Variants in LIPK observed in about 807,000 individuals in gnomAD.
The protein encoded by LIPK is lipase family member K.
In LIPK, 32 loss-of-function variants were observed where a neutral mutation model predicts 48.6. That is an observed-to-expected ratio of 0.66 (90% confidence interval 0.50 to 0.88). LIPK has a LOEUF of 0.88. LIPK is among the 40% of genes least tolerant of loss of function. The probability of loss-of-function intolerance (pLI) is 0.00; values close to 1 mark genes in which losing one functional copy is unlikely to be tolerated. For missense variants in LIPK, 507 were observed against 478.5 expected, an observed-to-expected ratio of 1.06 and a Z score of -0.56; for synonymous variants, 164 against 157.4, an observed-to-expected ratio of 1.04 and a Z score of -0.32.
intron 1 of LIPK, among the ~76,000 whole-genome samples, chr10:88,717,536 T>A (rs1208719068): frequency 6.6e-6 from 1 of 152,164 alleles, no homozygotes; most frequent in African/African-American, 2.4e-5. Context: ...ACACTATAGG[T>A]CTTCTGTTTT....
At chr10:88,750,062 A>G (rs1842838639) in intron 9 of LIPK, among the ~76,000 whole-genome samples, 1 of 152,204 alleles carries the variant, frequency 6.6e-6, no homozygotes, top group Non-Finnish European at 1.5e-5. Context: ...AAAATGGTCA[A>G]TATCAATAAT....
At chr10:88,739,435 C>A (rs1221726276) in intron 7 of LIPK, among the ~76,000 whole-genome samples, 1 of 152,164 alleles carries the variant, frequency 6.6e-6, no homozygotes, top group Admixed American at 6.5e-5. Flanking sequence ...CCGTGGGATG[C>A]CCTCTGTAGG....
intron 8 of LIPK, among the ~76,000 whole-genome samples, chr10:88,740,616 T>G (rs1338775795): frequency 6.6e-6 from 1 of 152,014 alleles, no homozygotes; most frequent in Non-Finnish European, 1.5e-5. Flanking sequence ...TTTCTGAGCC[T>G]TGTGTGTGTG....
At chr10:88,737,515 T>C in intron 6 of LIPK, 120 bp from the exon 7 acceptor site, 2 of 969,206 alleles carry the variant, frequency 2.1e-6, no homozygotes, top group South Asian at 1.9e-5. Context: ...ATGATTTCAC[T>C]AAGGACCAAC....
intron 6 of LIPK, among the ~76,000 whole-genome samples, chr10:88,735,575 G>T (rs1842555859): frequency 6.6e-6 from 1 of 152,228 alleles, no homozygotes; most frequent in Admixed American, 6.5e-5. Flanking sequence ...GAACAAGGGT[G>T]ACCAGCTCAG....
rs554187515 is a variant in LIPK, at chr10:88,745,476, T to G, written c.960+2155T>G. Among the ~76,000 whole-genome samples the G allele has an allele frequency of 2.7e-4, 41 of 152,296 alleles. 1 individual carries two copies. Among genetic ancestry groups the G allele is most frequent in the Non-Finnish European group, 4.7e-4 (32 of 68,012 alleles). On this transcript the variant is annotated intron_variant, in intron 9 of 9. Transcript: ENST00000404190. ...AGCCAGAAGAGATTACGGGCTTGTA[T>G]TCAACATCCTTAAAGAAAAGAAATT...
chr10:88,739,140 G>A (rs1842630933), intron 7 of LIPK, among the ~76,000 whole-genome samples: 1 of 151,510 alleles, frequency 6.6e-6, no homozygotes, highest in Non-Finnish European at 1.5e-5. Flanking sequence ...TGTGTTTGTG[G>A]TTGTTTATCC....
intron 1 of LIPK, among the ~76,000 whole-genome samples, chr10:88,722,656 C>G (rs936688024): frequency 1.3e-5 from 2 of 152,060 alleles, no homozygotes; most frequent in African/African-American, 4.8e-5. Flanking sequence ...TAATTAGACA[C>G]ACAGAAGCCA....
intron 6 of LIPK, among the ~76,000 whole-genome samples, 184 bp from the exon 7 acceptor site, chr10:88,737,451 G>C (rs1411310126): frequency 6.6e-6 from 1 of 152,074 alleles, no homozygotes; most frequent in African/African-American, 2.4e-5. Flanking sequence ...AAGATTTTTG[G>C]GAAAAGCCAT....
intron 2 of LIPK, 79 bp downstream of exon 2, chr10:88,724,727 T>G: frequency 1.0e-6 from 1 of 976,748 alleles, no homozygotes; most frequent in Middle Eastern, 2.4e-4. Flanking sequence ...CTGGTGTGCC[T>G]TCTTAGTTTT....
intron 3 of LIPK, chr10:88,727,618 A>ATCCTC (rs1564980607): frequency 6.8e-5 from 11 of 162,190 alleles, no homozygotes; most frequent in Non-Finnish European, 1.5e-4. Context: ...CTTGTATCAG[A>ATCCTC]ACCTCAAGCT....
intron 6 of LIPK, among the ~76,000 whole-genome samples, chr10:88,733,553 A>G (rs1481006291): frequency 1.3e-5 from 2 of 152,214 alleles, no homozygotes; most frequent in African/African-American, 4.8e-5. Context: ...CCACCTGAAA[A>G]TAACAAAACA....
chr10:88,734,619 C>T (rs1445434025), intron 6 of LIPK, among the ~76,000 whole-genome samples: 1 of 152,060 alleles, frequency 6.6e-6, no homozygotes, highest in Non-Finnish European at 1.5e-5. Context: ...GGGTAAAGGA[C>T]ATCAAGAAGG....
chr10:88,724,729 CTTAGT>C lies in LIPK; in HGVS notation c.105+84_105+88del, dbSNP rs1842300951. 3.1e-6 allele frequency: 3 copies of C among 976,692 alleles called. No homozygotes were observed. The African/African-American group carries it at 5.0e-5, about 16-fold the overall frequency. 60.5% of individuals were successfully genotyped at this position (976,692 alleles called of 1,614,324 possible). ...ATTTTAGATACAACTGGTGTGCCTTCTTAGTTTTCAGCAATTCCTCCAGTGACTAA... is the reference window on the plus strand; with the variant it reads ...ATTTTAGATACAACTGGTGTGCCTTCTTTCAGCAATTCCTCCAGTGACTAA... On this transcript the variant is annotated intron_variant, in intron 2 of 9. Transcript: ENST00000404190.
At chr10:88,714,634 GA>G (rs1296259525) in intron 1 of LIPK, among the ~76,000 whole-genome samples, 43 of 151,970 alleles carry the variant, frequency 2.8e-4, no homozygotes, top group Admixed American at 7.9e-4. Context: ...GTTTTTCAAG[GA>G]ATTTGTCTAG....
intron 1 of LIPK, among the ~76,000 whole-genome samples, chr10:88,713,584 T>C (rs924405962): frequency 7.2e-5 from 11 of 152,202 alleles, no homozygotes; most frequent in Non-Finnish European, 1.3e-4. Context: ...TATTCATCTA[T>C]TAGATATAGT....
chr10:88,718,516 A>T (rs977044732), intron 1 of LIPK, among the ~76,000 whole-genome samples: 6 of 151,836 alleles, frequency 4.0e-5, no homozygotes, highest in Non-Finnish European at 8.8e-5. Flanking sequence ...ACCTGCATAT[A>T]CAAGAAATTT....
chr10:88,752,530 T>TA lies in LIPK; in HGVS notation c.975dup (p.Tyr326IlefsTer5). ...TATTGTATTTAGCTTACACCTCCTT[T>TA]ATACAACATTACTAAGATGGAAGTT... On this transcript the variant is annotated frameshift_variant, in exon 10 of 10. Coordinates refer to ENST00000404190, the MANE Select transcript of LIPK (RefSeq NM_001080518.2). LOFTEE classifies it high-confidence loss of function. 1 of 1,549,148 alleles carries TA rather than the reference T, an allele frequency of 6.5e-7. No individual in the cohort carries two copies.
intron 1 of LIPK, among the ~76,000 whole-genome samples, chr10:88,713,864 C>G (rs914599929): frequency 6.6e-6 from 1 of 151,746 alleles, no homozygotes; most frequent in Non-Finnish European, 1.5e-5. Context: ...TCACTTGAAC[C>G]CAGGAGAGGC....
Sources: allele counts gnomAD v4.1 joint callset (sites outside exome capture counted in the v4.1 genomes callset), GRCh38; gene constraint gnomAD v4.1.1; transcripts MANE v1.5; gene names NCBI Gene and HGNC (gene_info 2026-07-23, HGNC 2026-07-21).